The following PMM2 variants were observed in gnomAD, a reference collection of about 807,000 sequenced individuals.
PMM2 encodes phosphomannomutase 2.
PMM2 carries 35 observed loss-of-function variants against 33.2 expected under a neutral mutation model. The ratio of observed to expected loss-of-function variants is 1.06; its 90% CI spans 0.81 to 1.40. PMM2 has a LOEUF of 1.40. Ranked by LOEUF, PMM2 falls within the 40% of genes most tolerant of loss-of-function variation. The probability of loss-of-function intolerance (pLI) is 0.00; values close to 1 mark genes in which losing one functional copy is unlikely to be tolerated. For synonymous variants in PMM2, 153 were observed against 114.7 expected, an observed-to-expected ratio of 1.33 and a Z score of -2.13; for missense variants, 386 against 306.0, an observed-to-expected ratio of 1.26 and a Z score of -1.95.
intron 7 of PMM2, among the ~76,000 whole-genome samples, chr16:8,847,443 A>C (rs2060934281): frequency 6.6e-6 from 1 of 152,072 alleles, no homozygotes; most frequent in Non-Finnish European, 1.5e-5. Context: ...TGTGTAGAAA[A>C]ATAAGCCTTA....
At chr16:8,809,584 C>G (rs1400890075) in intron 4 of PMM2, 1 of 152,158 alleles carries the variant, frequency 6.6e-6, no homozygotes, top group Non-Finnish European at 1.5e-5. Context: ...TCTCAAGTAG[C>G]TGGGACTACA....
At chr16:8,797,999 T>A in intron 1 of PMM2, 51 bp downstream of exon 1, 3 of 1,542,776 alleles carry the variant, frequency 1.9e-6, no homozygotes, top group Non-Finnish European at 2.6e-6. Flanking sequence ...CCCGTGCTGT[T>A]CCCAGTTGGG....
chr16:8,839,087 T>G (rs948701079), intron 7 of PMM2, among the ~76,000 whole-genome samples: 4 of 151,968 alleles, frequency 2.6e-5, no homozygotes, highest in Non-Finnish European at 5.9e-5. Flanking sequence ...GCTATTCCAG[T>G]ACCGAGAGCA....
chr16:8,805,417 G>C (rs983727977), intron 3 of PMM2, among the ~76,000 whole-genome samples: 6 of 152,080 alleles, frequency 3.9e-5, no homozygotes, highest in Non-Finnish European at 8.8e-5. Context: ...AACCAGGCTG[G>C]AGTGCAGTGG....
intron 7 of PMM2, among the ~76,000 whole-genome samples, chr16:8,845,385 T>C (rs1389888825): frequency 1.3e-5 from 2 of 152,168 alleles, no homozygotes; most frequent in East Asian, 3.8e-4. Context: ...CTTTAGTTAC[T>C]TCAGGCCATC....
At chr16:8,808,989 T>C (rs918326488) in intron 4 of PMM2, 4 of 152,270 alleles carry the variant, frequency 2.6e-5, no homozygotes, top group African/African-American at 7.2e-5. Context: ...TGTTTTTACT[T>C]TAATGAGTAT....
intron 7 of PMM2, among the ~76,000 whole-genome samples, chr16:8,846,854 T>A (rs1354854645): frequency 2.6e-5 from 4 of 152,074 alleles, no homozygotes; most frequent in Admixed American, 2.6e-4. Flanking sequence ...CAGACCCCAG[T>A]CATGTGGGGC....
At chr16:8,803,312 C>T (rs565564532) in intron 2 of PMM2, among the ~76,000 whole-genome samples, 2 of 151,974 alleles carry the variant, frequency 1.3e-5, no homozygotes, top group Non-Finnish European at 2.9e-5. Context: ...TGCTATAAAC[C>T]GCATACTGGG....
chr16:8,803,162 A>C (rs956589755), intron 2 of PMM2, among the ~76,000 whole-genome samples: 2 of 152,212 alleles, frequency 1.3e-5, no homozygotes, highest in Non-Finnish European at 2.9e-5. Flanking sequence ...CTGTTCTCAA[A>C]GATGTAATAT....
Position 8,837,356 on chromosome 16 carries a change from A to C in PMM2, c.640-10368A>C, listed in dbSNP as rs140927701. Among the ~76,000 whole-genome samples, 437 of 152,114 alleles carry C rather than the reference A, an allele frequency of 2.9e-3. 3 individuals are homozygous for C. Among genetic ancestry groups the C allele is most frequent in the Admixed American group, 0.016 (247 of 15,268 alleles). On this transcript the variant is annotated intron_variant, in intron 7 of 7. Coordinates refer to ENST00000268261, the MANE Select transcript of PMM2 (RefSeq NM_000303.3). ...TCGAGTTTGTATTGGGGTCAAGTGG[A>C]ATTGCAGAAGAAAATAAGGCATTTA...
chr16:8,836,358 G>A (rs943816255), intron 7 of PMM2, among the ~76,000 whole-genome samples: 11 of 152,060 alleles, frequency 7.2e-5, no homozygotes, highest in Admixed American at 5.2e-4. Context: ...GGGAGTGGCT[G>A]CCAGGTGAGT....
intron 7 of PMM2, among the ~76,000 whole-genome samples, chr16:8,846,474 T>C (rs2060926094): frequency 6.6e-6 from 1 of 152,120 alleles, no homozygotes; most frequent in South Asian, 2.1e-4. Context: ...ACGGGGGCTT[T>C]CCTGCAGGGC....
intron 7 of PMM2, 144 bp downstream of exon 7, chr16:8,813,250 G>C (rs2060688090): frequency 1.4e-6 from 1 of 717,150 alleles, no homozygotes; most frequent in East Asian, 2.7e-5. Flanking sequence ...TGGAGAGGTG[G>C]GTGATTGAGC....
chr16:8,832,299 G>A (rs555699961), intron 7 of PMM2: 18 of 985,320 alleles, frequency 1.8e-5, no homozygotes, highest in South Asian at 1.4e-4. Flanking sequence ...CTCTGAAAGC[G>A]GGTGGAGCTG....
At chr16:8,801,777 T>G in intron 1 of PMM2, 22 bp from the exon 2 acceptor site, 1 of 1,440,492 alleles carries the variant, frequency 6.9e-7, no homozygotes, top group East Asian at 2.4e-5. Context: ...ATGACTGTTG[T>G]ATTTTCTTTC....
chr16:8,844,617 C>T (rs1191402822), intron 7 of PMM2, among the ~76,000 whole-genome samples: 2 of 152,216 alleles, frequency 1.3e-5, no homozygotes, highest in Non-Finnish European at 2.9e-5. Flanking sequence ...GGTGTCCCTG[C>T]GTGGTCTGAC....
chr16:8,809,293 G>C (rs986553568), intron 4 of PMM2: 2 of 152,164 alleles, frequency 1.3e-5, no homozygotes, highest in Non-Finnish European at 2.9e-5. Context: ...TGTTTCATAG[G>C]GTTCCCAGGC....
chr16:8,825,223 G>A (rs1024883032), intron 7 of PMM2, among the ~76,000 whole-genome samples: 1 of 152,076 alleles, frequency 6.6e-6, no homozygotes, highest in African/African-American at 2.4e-5. Flanking sequence ...AGTAGAGACG[G>A]GGTTTCACCA....
intron 1 of PMM2, among the ~76,000 whole-genome samples, chr16:8,800,970 T>TC (rs1470443545): frequency 6.6e-6 from 1 of 152,168 alleles, no homozygotes; most frequent in Non-Finnish European, 1.5e-5. Flanking sequence ...GGCATGAGCC[T>TC]CCATGTCTGG....
Sources: gnomAD v4.1 joint callset for allele counts (sites outside exome capture counted in the v4.1 genomes callset) on GRCh38, gnomAD v4.1.1 for gene constraint, MANE v1.5 for transcripts, NCBI Gene and HGNC (gene_info 2026-07-23, HGNC 2026-07-21) for gene names.